Variants in HAUS7 observed in about 807,000 individuals in gnomAD.
HAUS7 encodes HAUS augmin-like complex subunit 7.
HAUS7 carries 3 observed loss-of-function variants against 28.4 expected under a neutral mutation model. The ratio of observed to expected loss-of-function variants is 0.11; its 90% confidence interval spans 0.05 to 0.27. HAUS7 has a LOEUF of 0.27. Among genes scored for constraint, HAUS7 ranks in the 10% least tolerant of loss-of-function variants. HAUS7 has a pLI of 1.00. For synonymous variants in HAUS7, 165 were observed against 132.1 expected (o/e 1.25, Z -1.71); for missense variants, 284 against 297.3 (o/e 0.96, Z 0.33).
At chrX:153,485,330 G>A (rs2089629064) in intron 1 of HAUS7, among the ~76,000 whole-genome samples, 1 of 111,969 alleles carries the variant, frequency 8.9e-6, no homozygotes, top group Non-Finnish European at 1.9e-5. Context: ...CCGAGGACCG[G>A]CAGGGGCAGA....
At chrX:153,484,573 C>T (rs1474575528) in intron 1 of HAUS7, among the ~76,000 whole-genome samples, 6 of 108,477 alleles carry the variant, frequency 5.5e-5, no homozygotes, top group Admixed American at 1.9e-4. Context: ...AGGGTGGGGC[C>T]GCAGTGGGGA....
In HAUS7 at chrX:153,454,378, G is replaced by T. The variant is rs998574389; in HGVS notation, c.1045+16C>A. The stretch of plus-strand genomic sequence containing the variant: ...GGGGCAGCCCCAGGCAGAGGGCCAG[G>T]TGGGCAGCCACGTACCTAGACTCAT... On this transcript the variant is annotated intron_variant, in intron 9 of 9. Coordinates refer to ENST00000370211, the MANE Select transcript of HAUS7 (RefSeq NM_001385482.1). The T allele has an allele frequency of 4.0e-6, 4 of 1,007,039 alleles. No homozygotes were observed. The highest frequency in any genetic ancestry group is 5.6e-6 in the Non-Finnish European group (4 of 708,676). 83.0% of individuals were successfully genotyped at this position (1,007,039 alleles called of 1,213,427 possible). A position where few individuals can be genotyped will look rare whatever the true frequency, so the allele number is the denominator to read the frequency against.
chrX:153,452,651 A>G (rs1272116399), intron 9 of HAUS7, among the ~76,000 whole-genome samples: 1 of 112,205 alleles, frequency 8.9e-6, no homozygotes, highest in Non-Finnish European at 1.9e-5. Flanking sequence ...GCTAACTGTA[A>G]TTCTAAAGCC....
rs969570085 is a variant in HAUS7 at position 153,454,437 on chromosome X, G to A, written c.1002C>T (p.Gly334=). The part of the protein sequence containing the change: ...KAVETVKKQQ[G]EQICWGGSSS... Reference sequence around the variant, plus strand: ...TGCTGCCACCCCAGCAGATCTGCTCGCCTTGCTGCTTCTTCACGGTCTCCA... The same window carrying A: ...TGCTGCCACCCCAGCAGATCTGCTCACCTTGCTGCTTCTTCACGGTCTCCA... The change falls in exon 9 of 10, where the codon GGC becomes GGT. Residue 334 remains glycine (G), a synonymous_variant. Transcript: ENST00000370211. 7 of 1,186,014 alleles carry A rather than the reference G, an allele frequency of 5.9e-6. No homozygotes were observed. Among genetic ancestry groups the A allele is most frequent in the African/African-American group, 5.5e-5 (3 of 54,807 alleles).
In HAUS7 at chrX:153,457,210, T is replaced by C. The variant is rs1556982471; in HGVS notation, c.373A>G (p.Lys125Glu). ...AACTGGTCCATGAAGTGTAGCTGCTTCTGGGCGCAGGCACAGCCCTGGGCA... is the reference window on the plus strand; with the variant it reads ...AACTGGTCCATGAAGTGTAGCTGCTCCTGGGCGCAGGCACAGCCCTGGGCA... ...ELLKGCACAQ[K>E]QLHFMDQLLD... Residue 125 changes from lysine to glutamate, a missense_variant, in exon 5 of 10, where the codon AAG (lysine) becomes GAG (glutamate). Coordinates refer to ENST00000370211, the MANE Select transcript of HAUS7 (RefSeq NM_001385482.1). 5 of 1,195,378 alleles carry C rather than the reference T, an allele frequency of 4.2e-6. No individual in the cohort carries two copies. Among genetic ancestry groups the C allele is most frequent in the Non-Finnish European group, 3.4e-6 (3 of 880,361 alleles).
upstream of HAUS7, among the ~76,000 whole-genome samples, chrX:153,474,652 G>A (rs2089549977): frequency 9.4e-6 from 1 of 106,456 alleles, no homozygotes; most frequent in Admixed American, 1.0e-4. Flanking sequence ...GGACCTTTGG[G>A]TTTCCCGCTT....
At chrX:153,480,808 A>G (rs1234168575) in intron 1 of HAUS7, 4 of 753,729 alleles carry the variant, frequency 5.3e-6, no homozygotes, top group Non-Finnish European at 4.7e-6. Context: ...CTGGTCGCTG[A>G]GTGGGCTCAG....
intron 3 of HAUS7, among the ~76,000 whole-genome samples, chrX:153,464,194 T>A (rs782752829): frequency 1.8e-5 from 2 of 112,705 alleles, no homozygotes; most frequent in African/African-American, 6.4e-5. Context: ...GGAAACAGGC[T>A]GGGAATGGCG....
chrX:153,493,056 C>T (rs1019659749), intron 1 of HAUS7, among the ~76,000 whole-genome samples: 1 of 112,182 alleles, frequency 8.9e-6, no homozygotes, highest in East Asian at 2.8e-4. Context: ...ACACGATTTG[C>T]GCATTGAGCA....
At chrX:153,461,595 T>C (rs1171858063) in intron 4 of HAUS7, 6 of 116,457 alleles carry the variant, frequency 5.2e-5, no homozygotes, top group African/African-American at 2.0e-4. Context: ...TGGAAATTTT[T>C]CCAAAGCATA....
chrX:153,465,000 C>A lies in HAUS7; in HGVS notation c.280G>T (p.Val94Leu). 1 of 1,195,465 alleles carries A rather than the reference C, an allele frequency of 8.4e-7. No homozygotes were observed. Reference sequence around the variant, plus strand: ...AGATTCCACCTACCTTGGATCTTCACCTCTGTTGGGACCCCTTTCAGTGAG... The same window carrying A: ...AGATTCCACCTACCTTGGATCTTCAACTCTGTTGGGACCCCTTTCAGTGAG... ...FSSLKGVPTEVKIQEMTKLGH... is the reference protein window; with the variant it reads ...FSSLKGVPTELKIQEMTKLGH... The change falls in exon 3 of 10, where the codon GTG becomes TTG. Residue 94 changes from valine to leucine, a missense_variant. Coordinates refer to ENST00000370211, the MANE Select transcript of HAUS7 (RefSeq NM_001385482.1).
intron 1 of HAUS7, among the ~76,000 whole-genome samples, chrX:153,485,163 G>A (rs956125074): frequency 2.0e-4 from 22 of 111,823 alleles, no homozygotes; most frequent in African/African-American, 5.9e-4. Flanking sequence ...ATCGGACAGC[G>A]AGGGCTGGGT....
intron 9 of HAUS7, among the ~76,000 whole-genome samples, chrX:153,452,531 C>A (rs150636805): frequency 0.039 from 4,341 of 111,857 alleles, 187 homozygotes; most frequent in African/African-American, 0.13. Flanking sequence ...TGTTAAAGAA[C>A]CAACAAGGGA....
chrX:153,489,072 C>T (rs2089656318), intron 1 of HAUS7, among the ~76,000 whole-genome samples: 1 of 112,869 alleles, frequency 8.9e-6, no homozygotes, highest in Admixed American at 9.3e-5. Context: ...CCCACAGGCC[C>T]GGCCAGGCCT....
At chrX:153,454,547 AGC>A in intron 8 of HAUS7, 39 bp from the exon 9 acceptor site, 1 of 622,541 alleles carries the variant, frequency 1.6e-6, no homozygotes, top group Non-Finnish European at 2.6e-6. Context: ...GGAGGGAGGG[AGC>A]GAGCAGGCAC....
intron 4 of HAUS7, among the ~76,000 whole-genome samples, chrX:153,460,870 G>C (rs919897613): frequency 1.8e-5 from 2 of 112,519 alleles, no homozygotes; most frequent in Admixed American, 9.3e-5. Flanking sequence ...GACAGGAAAA[G>C]GGAGCCCCAG....
chrX:153,462,590 GCAGA>G lies in HAUS7; in HGVS notation c.354+16_354+19del, dbSNP rs2089406061. 1.7e-6 allele frequency: 2 copies of G among 1,145,978 alleles called. No individual in the cohort carries two copies. The highest frequency in any genetic ancestry group is 2.2e-5 in the Admixed American group (1 of 45,965). 94.4% of individuals were successfully genotyped at this position (1,145,978 alleles called of 1,213,427 possible). On this transcript the variant is annotated intron_variant, in intron 4 of 9. Transcript: ENST00000370211. Reference sequence around the variant, plus strand: ...AGAAAGCGTGCGTGCCGTCTGCAGAGCAGACAGAGGCCCTCTTACCTTGAGGAGC... The same window carrying G: ...AGAAAGCGTGCGTGCCGTCTGCAGAGCAGAGGCCCTCTTACCTTGAGGAGC...
intron 1 of HAUS7, chrX:153,480,521 C>T: frequency 1.4e-6 from 1 of 713,970 alleles, no homozygotes; most frequent in Non-Finnish European, 1.7e-6. Flanking sequence ...TTTCTAGCAG[C>T]TGACAGCCCC....
intron 1 of HAUS7, among the ~76,000 whole-genome samples, chrX:153,483,858 G>A (rs1364820571): frequency 1.8e-5 from 2 of 112,067 alleles, no homozygotes; most frequent in Admixed American, 1.9e-4. Context: ...GGGGAGAGCT[G>A]GCCCGACGAT....
Sources: allele counts gnomAD v4.1 joint callset (sites outside exome capture counted in the v4.1 genomes callset), GRCh38; gene constraint gnomAD v4.1.1; transcripts MANE v1.5; gene names NCBI Gene and HGNC (gene_info 2026-07-23, HGNC 2026-07-21).